Variants in GPR143 observed in about 807,000 individuals in gnomAD.
The protein encoded by GPR143 is G protein-coupled receptor 143, also known as G-protein coupled receptor 143.
Under a neutral mutation model 27.6 loss-of-function variants are expected in GPR143, and 8 were observed. That is an observed-to-expected ratio of 0.29 (90% CI 0.17 to 0.52). The LOEUF is 0.52. Among genes scored for constraint, GPR143 ranks in the 20% least tolerant of loss-of-function variants. GPR143 has a pLI of 0.96. For synonymous variants in GPR143, 156 were observed against 153.2 expected (o/e 1.02, Z -0.13); for missense variants, 303 against 343.1 (o/e 0.88, Z 0.92).
rs185069727 is a variant in GPR143 at position 9,748,582 on chromosome X, G to A, written c.540C>T (p.Ser180=). 65 of 1,194,890 alleles carry A rather than the reference G, an allele frequency of 5.4e-5. No individual in the cohort carries two copies. The African/African-American group carries it at 1.0e-3, about 19-fold the overall frequency. Residue 180 remains serine (S), a synonymous_variant, in exon 4 of 9, where the codon TCC becomes TCT. Transcript: ENST00000467482. ...CTGGAGTCCCAACTTACCTGGACAC[G>A]GAAGGGTAGTAGAGCATGGCGGCTC... The part of the protein sequence containing the change: ...VEGAAMLYYP[S]VSRCERGLDH...
intron 8 of GPR143, among the ~76,000 whole-genome samples, chrX:9,736,462 CT>C (rs1162755077): frequency 1.8e-5 from 2 of 110,888 alleles, no homozygotes; most frequent in Admixed American, 9.6e-5. Context: ...CCACTTTATA[CT>C]TTTTTTTAAA....
intron 8 of GPR143, among the ~76,000 whole-genome samples, chrX:9,728,935 G>T (rs1442691280): frequency 2.7e-5 from 3 of 111,422 alleles, no homozygotes; most frequent in Non-Finnish European, 3.8e-5. Context: ...TCCCAGGTTT[G>T]GATTAAGATG....
At chrX:9,726,090 A>G in intron 8 of GPR143, 3 of 498,052 alleles carry the variant, frequency 6.0e-6, no homozygotes, top group Non-Finnish European at 7.4e-6. Flanking sequence ...CTACAGAATC[A>G]TCTAGGCCAG....
chrX:9,764,779 C>A (rs776390601), intron 1 of GPR143, among the ~76,000 whole-genome samples: 29 of 111,682 alleles, frequency 2.6e-4, no homozygotes, highest in African/African-American at 8.8e-4. Context: ...GTAATCCCAG[C>A]ACTTTGGGAG....
chrX:9,743,667 G>A lies in GPR143; in HGVS notation c.665C>T (p.Ser222Phe). The change falls in exon 6 of 9, where the codon TCT becomes TTT. Residue 222 changes from serine to phenylalanine, a missense_variant. Ser to Phe is a radical substitution (Grantham distance 155). Transcript: ENST00000467482. ...LFQKTVTAVASLLKGRQGIYT... is the reference protein window; with the variant it reads ...LFQKTVTAVAFLLKGRQGIYT... ...AATGCCTTGTCTTCCTTTAAGTAAAGAGGCCACTGTGAAGAACAGAAGGAA... is the reference window on the plus strand; with the variant it reads ...AATGCCTTGTCTTCCTTTAAGTAAAAAGGCCACTGTGAAGAACAGAAGGAA... 9.2e-7 allele frequency: 1 copy of A among 1,087,189 alleles called. No homozygotes were observed. The highest frequency in any genetic ancestry group is 1.3e-6 in the Non-Finnish European group (1 of 781,803). The allele number at this position is 1,087,189 out of a possible 1,213,427, so 89.6% of individuals were successfully genotyped here. A position where few individuals can be genotyped will look rare whatever the true frequency, so the allele number is the denominator to read the frequency against.
At chrX:9,775,691 G>C (rs907081952) in intron 1 of GPR143, among the ~76,000 whole-genome samples, 1 of 111,483 alleles carries the variant, frequency 9.0e-6, no homozygotes, top group Admixed American at 9.6e-5. Context: ...AAACTAGTCC[G>C]ACAAGAAAAT....
chrX:9,726,054 A>G (rs5979161), intron 8 of GPR143: 72,595 of 654,391 alleles, frequency 0.11, 3,803 homozygotes, highest in African/African-American at 0.31. Context: ...CATTTTATTA[A>G]ATCATTACAA....
At chrX:9,778,453 A>C (rs1159841527) in intron 1 of GPR143, among the ~76,000 whole-genome samples, 2 of 110,995 alleles carry the variant, frequency 1.8e-5, no homozygotes, top group African/African-American at 6.6e-5. Flanking sequence ...GGGTCCTCCT[A>C]ACTGCATGGC....
intron 3 of GPR143, among the ~76,000 whole-genome samples, chrX:9,758,210 T>A (rs1330731571): frequency 8.9e-6 from 1 of 111,866 alleles, no homozygotes; most frequent in East Asian, 2.8e-4. Context: ...ATCCAGCTTC[T>A]CTGTGTCAGT....
chrX:9,765,431 C>T, intron 1 of GPR143, 137 bp downstream of exon 1: 1 of 628,738 alleles, frequency 1.6e-6, no homozygotes, highest in Non-Finnish European at 2.1e-6. Flanking sequence ...CTCTCGTCCT[C>T]ACTCCATCAC....
intron 8 of GPR143, 72 bp downstream of exon 8, chrX:9,739,413 G>T: frequency 1.3e-6 from 1 of 742,957 alleles, no homozygotes; most frequent in South Asian, 2.2e-5. Flanking sequence ...CCGGGACAAA[G>T]AATCCTCTAA....
chrX:9,743,598 C>T lies in GPR143; in HGVS notation c.734G>A (p.Arg245Gln), dbSNP rs1186621212. 5 of 1,186,142 alleles carry T rather than the reference C, an allele frequency of 4.2e-6. No homozygotes were observed. The highest frequency in any genetic ancestry group is 1.8e-5 in the South Asian group (1 of 56,384). The change falls in exon 6 of 9, where the codon CGA becomes CAA. Residue 245 changes from arginine to glutamine, a missense_variant. Transcript: ENST00000467482. ...TAAAACCAGCATGATTTTGAAAAAT[C>T]GGATCTTGATCACGGCTCCCATCCT... ...ERRMGAVIKIRFFKIMLVLII... is the reference protein window; with the variant it reads ...ERRMGAVIKIQFFKIMLVLII...
intron 3 of GPR143, among the ~76,000 whole-genome samples, chrX:9,751,134 C>T (rs1336665159): frequency 8.9e-6 from 1 of 112,762 alleles, no homozygotes; most frequent in Non-Finnish European, 1.9e-5. Flanking sequence ...TGGGTGAACA[C>T]GGAAACCCTC....
chrX:9,765,540 C>A, intron 1 of GPR143, 28 bp downstream of exon 1: 1 of 1,081,125 alleles, frequency 9.2e-7, no homozygotes, highest in Admixed American at 3.1e-5. Context: ...TGATCAGATT[C>A]CAACCCGCGG....
intron 8 of GPR143, among the ~76,000 whole-genome samples, chrX:9,737,421 C>T (rs2083383806): frequency 1.8e-5 from 2 of 112,106 alleles, no homozygotes; most frequent in Admixed American, 9.5e-5. Flanking sequence ...ACAACATGGG[C>T]GAATCTAGAA....
In GPR143 at chrX:9,726,005, AG is replaced by A. The variant is rs1197670911; in HGVS notation, c.1121-166del. The A allele has an allele frequency of 2.6e-4, 161 of 608,315 alleles. 1 individual carries two copies. The African/African-American group carries it at 3.4e-3, about 13-fold the overall frequency. 50.1% of individuals were successfully genotyped at this position (608,315 alleles called of 1,213,427 possible). On this transcript the variant is annotated intron_variant, in intron 8 of 8. Transcript: ENST00000467482. ...CAAAAAAAAAAAAAAAAAAAAAAAA[AG>A]GTGGGAGGGGTGGAAATCTACATCA...
chrX:9,734,959 G>A (rs1191367432), intron 8 of GPR143, among the ~76,000 whole-genome samples: 1 of 111,693 alleles, frequency 9.0e-6, no homozygotes, highest in Non-Finnish European at 1.9e-5. Context: ...AGCGGTTCAG[G>A]TGCACAATCC....
upstream of GPR143, among the ~76,000 whole-genome samples, chrX:9,770,513 G>A (rs941171399): frequency 1.8e-5 from 2 of 110,461 alleles, no homozygotes; most frequent in Non-Finnish European, 3.8e-5. Context: ...GGCAACAACC[G>A]AGAAATGGAG....
chrX:9,761,253 C>T (rs1322240609), intron 1 of GPR143, among the ~76,000 whole-genome samples: 2 of 111,075 alleles, frequency 1.8e-5, no homozygotes, highest in Non-Finnish European at 3.8e-5. Context: ...ACAACCACGC[C>T]CAGCTAATTT....
Sources: gnomAD v4.1 joint callset for allele counts (sites outside exome capture counted in the v4.1 genomes callset) on GRCh38, gnomAD v4.1.1 for gene constraint, MANE v1.5 for transcripts, NCBI Gene and HGNC (gene_info 2026-07-23, HGNC 2026-07-21) for gene names.